ST8SIA5: variants seen among roughly 807,000 people sequenced by gnomAD.
The protein encoded by ST8SIA5 is alpha-2,8-sialyltransferase 8E.
ST8SIA5 carries 24 observed loss-of-function variants against 40.2 expected under a neutral mutation model. The observed-to-expected ratio is 0.60, with a 90% CI of 0.43 to 0.84. The LOEUF (loss-of-function observed/expected upper bound fraction) is 0.84. ST8SIA5 is among the 40% of genes least tolerant of loss of function. The pLI is 0.00. For missense variants in ST8SIA5, 465 were observed against 498.5 expected, an observed-to-expected ratio of 0.93 and a Z score of 0.64; for synonymous variants, 198 against 201.8, an observed-to-expected ratio of 0.98 and a Z score of 0.16.
intron 3 of ST8SIA5, chr18:46,691,746 G>A (rs1219742478): frequency 1.1e-5 from 2 of 177,172 alleles, no homozygotes; most frequent in African/African-American, 2.3e-5. Flanking sequence ...CAAATGCTCT[G>A]AGAAGGAGAG....
Position 46,673,418 on chromosome 18 carries a change from A to G in ST8SIA5, c.*6624T>C, listed in dbSNP as rs2039320809. 1 of 151,942 alleles carries G rather than the reference A, an allele frequency of 6.6e-6. No individual in the cohort carries two copies. The highest frequency in any genetic ancestry group is 1.5e-5 in the Non-Finnish European group (1 of 67,996). 9.4% of individuals were successfully genotyped at this position (151,942 alleles called of 1,614,324 possible). A position where few individuals can be genotyped will look rare whatever the true frequency, so the allele number is the denominator to read the frequency against. ...AAATTCTTCTTTTCATTCTTTTCCTACTCAAGGCTCCAGTCTGAATTTCAA... is the reference window on the plus strand; with the variant it reads ...AAATTCTTCTTTTCATTCTTTTCCTGCTCAAGGCTCCAGTCTGAATTTCAA... On this transcript the variant is annotated 3_prime_UTR_variant, in exon 7 of 7. Transcript: ENST00000315087.
At chr18:46,756,311 G>A (rs898212016) in intron 1 of ST8SIA5, 67 bp downstream of exon 1, 6 of 1,591,992 alleles carry the variant, frequency 3.8e-6, no homozygotes, top group Non-Finnish European at 5.1e-6. Flanking sequence ...AAGCTGCCGC[G>A]GCCACTGCCA....
In ST8SIA5 at chr18:46,676,237, G is replaced by GTGGTAACCACAACC. The variant is rs1287323832; in HGVS notation, c.*3804_*3805insGGTTGTGGTTACCA. 1.3e-5 allele frequency: 2 copies of GTGGTAACCACAACC among 152,184 alleles called. No individual in the cohort carries two copies. The highest frequency in any genetic ancestry group is 4.8e-5 in the African/African-American group (2 of 41,432). The allele number at this position is 152,184 out of a possible 1,614,324, so 9.4% of individuals were successfully genotyped here. A position where few individuals can be genotyped will look rare whatever the true frequency, so the allele number is the denominator to read the frequency against. ...ACCTCTCCCAGATAACTGTCCCTGA[G>GTGGTAACCACAACC]ACTGGATTTGATAGTGTTCAGCACA... On this transcript the variant is annotated 3_prime_UTR_variant, in exon 7 of 7. Coordinates refer to ENST00000315087, the MANE Select transcript of ST8SIA5 (RefSeq NM_013305.6).
intron 2 of ST8SIA5, among the ~76,000 whole-genome samples, chr18:46,695,663 A>G (rs2039550569): frequency 6.6e-6 from 1 of 152,186 alleles, no homozygotes; most frequent in African/African-American, 2.4e-5. Context: ...CCTATGACCT[A>G]TCATGATTCC....
chr18:46,738,004 C>A (rs2040051764), intron 1 of ST8SIA5, among the ~76,000 whole-genome samples: 1 of 152,068 alleles, frequency 6.6e-6, no homozygotes. Flanking sequence ...CTCCTGACCT[C>A]AGGTAATCTG....
At chr18:46,685,956 C>T (rs145254175) in intron 5 of ST8SIA5, 114 of 583,460 alleles carry the variant, frequency 2.0e-4, no homozygotes, top group African/African-American at 1.9e-3. Flanking sequence ...CTTAACACAT[C>T]TCCCATTGTG....
At chr18:46,718,051 G>T (rs944038885) in intron 1 of ST8SIA5, among the ~76,000 whole-genome samples, 1 of 152,096 alleles carries the variant, frequency 6.6e-6, no homozygotes, top group African/African-American at 2.4e-5. Context: ...TATTCCGGCT[G>T]GGTGCTGTGG....
intron 2 of ST8SIA5, among the ~76,000 whole-genome samples, chr18:46,701,030 G>A (rs1374457559): frequency 2.0e-5 from 3 of 151,452 alleles, no homozygotes; most frequent in Non-Finnish European, 4.4e-5. Flanking sequence ...TGGAAGCTGT[G>A]ACAGGGGCTG....
intron 1 of ST8SIA5, among the ~76,000 whole-genome samples, chr18:46,713,732 G>A (rs185493771): frequency 6.6e-6 from 1 of 152,316 alleles, no homozygotes; most frequent in East Asian, 1.9e-4. Flanking sequence ...GGAAATGGGG[G>A]TCAAAGAAGA....
intron 4 of ST8SIA5, 47 bp downstream of exon 4, chr18:46,688,728 G>C: frequency 6.3e-7 from 1 of 1,578,008 alleles, no homozygotes; most frequent in African/African-American, 1.3e-5. Flanking sequence ...GCTACTGCTG[G>C]ATTGGCTCCC....
chr18:46,741,994 C>T (rs1325479848), intron 1 of ST8SIA5, among the ~76,000 whole-genome samples: 4 of 151,542 alleles, frequency 2.6e-5, no homozygotes, highest in East Asian at 2.0e-4. Context: ...CCCAGCTTCT[C>T]GGGAGGCTGA....
intron 2 of ST8SIA5, among the ~76,000 whole-genome samples, 174 bp downstream of exon 2, chr18:46,704,398 C>A (rs559751670): frequency 1.3e-5 from 2 of 152,252 alleles, no homozygotes; most frequent in Admixed American, 6.5e-5. Flanking sequence ...TGTGTTCCAG[C>A]CCTCCAGGGC....
intron 2 of ST8SIA5, among the ~76,000 whole-genome samples, chr18:46,699,505 G>A (rs1390107663): frequency 6.6e-6 from 1 of 151,786 alleles, no homozygotes; most frequent in Non-Finnish European, 1.5e-5. Flanking sequence ...TCAGCCTCCC[G>A]AGTAGCTGGG....
chr18:46,692,636 C>T (rs1385286925), intron 2 of ST8SIA5, among the ~76,000 whole-genome samples: 1 of 152,106 alleles, frequency 6.6e-6, no homozygotes, highest in Non-Finnish European at 1.5e-5. Context: ...CTCCTGACCT[C>T]AAGGGATCCT....
chr18:46,740,478 G>A (rs1310503778), intron 1 of ST8SIA5, among the ~76,000 whole-genome samples: 1 of 151,884 alleles, frequency 6.6e-6, no homozygotes, highest in Non-Finnish European at 1.5e-5. Context: ...ATTAAAAACT[G>A]TAAGTATGTG....
At chr18:46,710,355 CTTCTTTCT>C (rs2039711336) in intron 1 of ST8SIA5, among the ~76,000 whole-genome samples, 1 of 119,416 alleles carries the variant, frequency 8.4e-6, no homozygotes, top group African/African-American at 3.1e-5. Context: ...TCCTTCTTTC[CTTCTTTCT>C]TTTCTTTCTT....
chr18:46,737,624 C>T (rs1474842429), intron 1 of ST8SIA5, among the ~76,000 whole-genome samples: 2 of 152,180 alleles, frequency 1.3e-5, no homozygotes, highest in African/African-American at 4.8e-5. Flanking sequence ...TGACTTTACA[C>T]ATGTTACTTC....
intron 1 of ST8SIA5, among the ~76,000 whole-genome samples, chr18:46,710,900 C>CA (rs1303191524): frequency 7.9e-5 from 12 of 152,176 alleles, no homozygotes; most frequent in African/African-American, 2.9e-4. Context: ...CCCATCCCCA[C>CA]CCCCAGACAC....
chr18:46,756,241 C>T (rs2040243745), intron 1 of ST8SIA5, 137 bp downstream of exon 1: 2 of 1,258,120 alleles, frequency 1.6e-6, no homozygotes, highest in Non-Finnish European at 2.1e-6. Flanking sequence ...CAAGCCTAAG[C>T]GGCCATGCTC....
Sources: gnomAD v4.1 joint callset for allele counts (sites outside exome capture counted in the v4.1 genomes callset) on GRCh38, gnomAD v4.1.1 for gene constraint, MANE v1.5 for transcripts, NCBI Gene and HGNC (gene_info 2026-07-23, HGNC 2026-07-21) for gene names.